The following NDUFAF6 variants were observed in gnomAD, a reference collection of about 807,000 sequenced individuals.
The protein encoded by NDUFAF6 is NADH dehydrogenase (ubiquinone) complex I, assembly factor 6.
NDUFAF6 carries 45 observed loss-of-function variants against 40.8 expected under a neutral mutation model. The ratio of observed to expected loss-of-function variants is 1.10; its 90% CI spans 0.87 to 1.42. NDUFAF6 has a LOEUF of 1.42. Among genes scored for constraint, NDUFAF6 ranks in the 40% most tolerant of loss-of-function variants. The pLI, the probability that NDUFAF6 is intolerant of heterozygous loss-of-function variation, is 0.00. For synonymous variants in NDUFAF6, 185 were observed against 155.9 expected, an observed-to-expected ratio of 1.19 and a Z score of -1.39; for missense variants, 435 against 418.5, an observed-to-expected ratio of 1.04 and a Z score of -0.34.
At chr8:95,008,652 A>G (rs1438921266) in intron 2 of NDUFAF6, among the ~76,000 whole-genome samples, 1 of 152,056 alleles carries the variant, frequency 6.6e-6, no homozygotes, top group East Asian at 1.9e-4. Flanking sequence ...GATTACAGGC[A>G]CGTGCCACTA....
chr8:94,914,470 C>T (rs777126913), intron 1 of NDUFAF6, among the ~76,000 whole-genome samples: 3 of 152,174 alleles, frequency 2.0e-5, no homozygotes, highest in Non-Finnish European at 4.4e-5. Context: ...TTCCAGCCAC[C>T]GCCAGTTTTA....
intron 2 of NDUFAF6, among the ~76,000 whole-genome samples, chr8:94,982,839 T>C (rs1825553861): frequency 6.6e-6 from 1 of 152,264 alleles, no homozygotes; most frequent in Admixed American, 6.5e-5. Context: ...AAGAGCCAAC[T>C]AAGTTGAGAC....
At chr8:95,114,444 A>G (rs1810084684) in intron 4 of NDUFAF6, among the ~76,000 whole-genome samples, 2 of 152,244 alleles carry the variant, frequency 1.3e-5, no homozygotes, top group African/African-American at 2.4e-5. Flanking sequence ...ACCAAAAGCC[A>G]TGTTTGCTGA....
At chr8:94,981,105 C>T (rs1225194843) in intron 2 of NDUFAF6, 4 of 401,156 alleles carry the variant, frequency 1.0e-5, no homozygotes, top group South Asian at 5.5e-5. Flanking sequence ...TCCAGTGTGA[C>T]AGTATTGGGA....
At chr8:95,035,039 C>T (rs1351521635) in intron 2 of NDUFAF6, among the ~76,000 whole-genome samples, 4 of 151,940 alleles carry the variant, frequency 2.6e-5, no homozygotes, top group Admixed American at 2.0e-4. Flanking sequence ...ACCACCACAC[C>T]CGGCTAATTT....
chr8:94,937,886 A>G (rs951732303), intron 1 of NDUFAF6, among the ~76,000 whole-genome samples: 1 of 152,176 alleles, frequency 6.6e-6, no homozygotes, highest in African/African-American at 2.4e-5. Context: ...ACCTTACCCT[A>G]TCTGAATGGG....
chr8:95,071,394 T>C (rs1587232304), intron 9 of NDUFAF6, among the ~76,000 whole-genome samples: 1 of 106,192 alleles, frequency 9.4e-6, no homozygotes, highest in Non-Finnish European at 1.8e-5. Flanking sequence ...CGAGACTCCG[T>C]CTCCAAAAGA....
chr8:95,024,357 A>T (rs1827838771), upstream of NDUFAF6, among the ~76,000 whole-genome samples: 1 of 152,242 alleles, frequency 6.6e-6, no homozygotes, highest in Admixed American at 6.5e-5. Context: ...AACCCAGAGG[A>T]TACTGGGAGA....
intron 2 of NDUFAF6, among the ~76,000 whole-genome samples, chr8:95,086,095 T>G (rs1358255272): frequency 1.3e-5 from 2 of 152,106 alleles, no homozygotes; most frequent in African/African-American, 4.8e-5. Context: ...CATAACTGCC[T>G]CTAGACCAGC....
intron 2 of NDUFAF6, among the ~76,000 whole-genome samples, chr8:95,003,394 A>G (rs973692351): frequency 3.3e-5 from 5 of 152,254 alleles, no homozygotes; most frequent in Admixed American, 3.3e-4. Context: ...AAGTAAGGAC[A>G]CAGAGGTAGG....
upstream of NDUFAF6, among the ~76,000 whole-genome samples, chr8:95,096,722 C>T (rs1251994475): frequency 2.6e-5 from 4 of 152,152 alleles, no homozygotes; most frequent in Admixed American, 1.3e-4. Context: ...CAAAGCAGAT[C>T]GTATCACCAT....
At chr8:95,016,733 T>G (rs568325570) in intron 2 of NDUFAF6, among the ~76,000 whole-genome samples, 47 of 152,184 alleles carry the variant, frequency 3.1e-4, no homozygotes, top group African/African-American at 1.1e-3. Context: ...AGAGAGAGAC[T>G]CCATCTCAAA....
chr8:94,968,383 A>G (rs1824192973), intron 1 of NDUFAF6, among the ~76,000 whole-genome samples: 1 of 152,222 alleles, frequency 6.6e-6, no homozygotes, highest in Non-Finnish European at 1.5e-5. Flanking sequence ...GATAAGTGCT[A>G]GGAAGAAAAT....
chr8:95,012,667 T>TAAATAAATAAATAAAC lies in NDUFAF6; in HGVS notation c.-83-19325_-83-19324insTAAATAAATAAACAAA, dbSNP rs753278652. 2.6e-3 allele frequency among the ~76,000 whole-genome samples: 397 copies of TAAATAAATAAATAAAC among 150,524 alleles called. 2 individuals carry two copies. The highest frequency in any genetic ancestry group is 6.8e-3 in the Middle Eastern group (2 of 294). ...TAAAATAAATAAATAAATAAATAAATAAACAAATAAAAATTAGCCAGGTAT... is the reference window on the plus strand; with the variant it reads ...TAAAATAAATAAATAAATAAATAAATAAATAAATAAATAAACAAACAAATAAAAATTAGCCAGGTAT... On this transcript the variant is annotated intron_variant, in intron 2 of 9. Transcript: ENST00000396111.
At chr8:95,068,921 T>A (rs1462848201) in intron 9 of NDUFAF6, 5 of 151,776 alleles carry the variant, frequency 3.3e-5, no homozygotes, top group Non-Finnish European at 7.4e-5. Context: ...TCTCATCCTT[T>A]TAGGTTTTTC....
chr8:95,011,608 C>T (rs1827230618), intron 2 of NDUFAF6, among the ~76,000 whole-genome samples: 1 of 152,198 alleles, frequency 6.6e-6, no homozygotes, highest in African/African-American at 2.4e-5. Flanking sequence ...TTTGACCTTT[C>T]ACCTTCTAAG....
At chr8:95,073,306 T>A (rs1832931758) in intron 9 of NDUFAF6, 1 of 152,330 alleles carries the variant, frequency 6.6e-6, no homozygotes, top group Non-Finnish European at 1.5e-5. Flanking sequence ...CCCCGTTTTT[T>A]CCTCTGGGGA....
chr8:95,034,922 C>T (rs989809537), intron 2 of NDUFAF6, among the ~76,000 whole-genome samples: 1 of 151,790 alleles, frequency 6.6e-6, no homozygotes, highest in African/African-American at 2.4e-5. Flanking sequence ...TCTTGTCGCC[C>T]AGGCTAGAGT....
intron 1 of NDUFAF6, among the ~76,000 whole-genome samples, chr8:94,922,164 C>T (rs1819544373): frequency 6.6e-6 from 1 of 151,980 alleles, no homozygotes; most frequent in Non-Finnish European, 1.5e-5. Context: ...TGTGCCACCA[C>T]GCCCGGCTAA....
Sources: gnomAD v4.1 joint callset for allele counts (sites outside exome capture counted in the v4.1 genomes callset) on GRCh38, gnomAD v4.1.1 for gene constraint, MANE v1.5 for transcripts, NCBI Gene and HGNC (gene_info 2026-07-23, HGNC 2026-07-21) for gene names.